SLCO5A1: variants seen among roughly 807,000 people sequenced by gnomAD.
The protein encoded by SLCO5A1 is solute carrier organic anion transporter family member 5A1, also known as organic anion transporter polypeptide-related protein 4.
Under a neutral mutation model 65.1 loss-of-function variants are expected in SLCO5A1, and 39 were observed. That is an observed-to-expected ratio of 0.60 (90% CI 0.46 to 0.78). The LOEUF (loss-of-function observed/expected upper bound fraction) is 0.78. Among genes scored for constraint, SLCO5A1 ranks in the 30% least tolerant of loss-of-function variants. SLCO5A1 has a pLI of 0.00. For synonymous variants in SLCO5A1, 438 were observed against 415.7 expected, an observed-to-expected ratio of 1.05 and a Z score of -0.65; for missense variants, 1,029 against 1,069.4, an observed-to-expected ratio of 0.96 and a Z score of 0.53.
At chr8:69,808,610 A>G (rs187835628) in intron 2 of SLCO5A1, among the ~76,000 whole-genome samples, 3 of 152,300 alleles carry the variant, frequency 2.0e-5, no homozygotes, top group Non-Finnish European at 2.9e-5. Flanking sequence ...GCTATTGTGA[A>G]TAGTGCTGCA....
intron 2 of SLCO5A1, among the ~76,000 whole-genome samples, chr8:69,804,261 A>G (rs140769545): frequency 5.8e-4 from 89 of 152,226 alleles, no homozygotes; most frequent in African/African-American, 2.0e-3. Context: ...TAAAATCTAT[A>G]CCTTAAAAAT....
In SLCO5A1 at chr8:69,763,614, C is replaced by CAAA. The variant is rs770191440; in HGVS notation, c.908-1742_908-1740dup. 6.1e-4 allele frequency among the ~76,000 whole-genome samples: 8 copies of CAAA among 13,168 alleles called. 2 individuals carry two copies. The highest frequency in any genetic ancestry group is 5.9e-3 in the East Asian group (2 of 340). 8.6% of individuals were successfully genotyped at this position (13,168 alleles called of 152,430 possible). Reference sequence around the variant, plus strand: ...CAGGCTAGGAAACAGAGCAAGACTCCAAAAAAAAAAAAAAAAAAAAAAAAA... The same window carrying CAAA: ...CAGGCTAGGAAACAGAGCAAGACTCCAAAAAAAAAAAAAAAAAAAAAAAAAAAA... On this transcript the variant is annotated intron_variant, in intron 2 of 9. Transcript: ENST00000260126.
At chr8:69,778,538 A>G (rs1036510223) in intron 2 of SLCO5A1, among the ~76,000 whole-genome samples, 3 of 151,902 alleles carry the variant, frequency 2.0e-5, no homozygotes, top group Non-Finnish European at 2.9e-5. Context: ...TGAAATTACA[A>G]TGTGGGATTT....
chr8:69,716,221 C>A (rs752282881), intron 5 of SLCO5A1, among the ~76,000 whole-genome samples: 2 of 152,110 alleles, frequency 1.3e-5, no homozygotes, highest in African/African-American at 4.8e-5. Flanking sequence ...AATATTTACC[C>A]ATGCATTGGT....
chr8:69,808,227 A>T (rs373735420), intron 2 of SLCO5A1, among the ~76,000 whole-genome samples: 10 of 151,840 alleles, frequency 6.6e-5, no homozygotes, highest in African/African-American at 1.9e-4. Context: ...TACACAGGTA[A>T]ACTTGTGTCA....
chr8:69,734,947 C>T (rs896687465), intron 5 of SLCO5A1, among the ~76,000 whole-genome samples: 14 of 151,928 alleles, frequency 9.2e-5, no homozygotes, highest in African/African-American at 3.4e-4. Flanking sequence ...ATTCAAAAAA[C>T]CAAGAGGAGT....
intron 5 of SLCO5A1, among the ~76,000 whole-genome samples, chr8:69,721,681 A>T (rs902049844): frequency 2.6e-5 from 4 of 152,202 alleles, no homozygotes; most frequent in Non-Finnish European, 5.9e-5. Context: ...ATGAAGAAAA[A>T]AATGTTTTTA....
At chr8:69,711,333 T>A (rs1219720478) in intron 5 of SLCO5A1, among the ~76,000 whole-genome samples, 1 of 151,830 alleles carries the variant, frequency 6.6e-6, no homozygotes, top group Non-Finnish European at 1.5e-5. Context: ...GCACCTCACC[T>A]CTCTGCGCCT....
chr8:69,703,693 G>C (rs947748859), intron 6 of SLCO5A1, among the ~76,000 whole-genome samples: 6 of 152,230 alleles, frequency 3.9e-5, no homozygotes, highest in African/African-American at 1.4e-4. Flanking sequence ...GTTCTGGACA[G>C]TGGTGCACTG....
At chr8:69,788,653 C>T (rs1165877930) in intron 2 of SLCO5A1, among the ~76,000 whole-genome samples, 2 of 152,078 alleles carry the variant, frequency 1.3e-5, no homozygotes, top group African/African-American at 4.8e-5. Flanking sequence ...TTCACTCTAA[C>T]AACCTTGGTA....
intron 5 of SLCO5A1, among the ~76,000 whole-genome samples, chr8:69,714,477 G>A (rs1174503072): frequency 6.6e-6 from 1 of 152,144 alleles, no homozygotes; most frequent in Non-Finnish European, 1.5e-5. Flanking sequence ...AAGCTGGGGG[G>A]ATAGCTCGCC....
chr8:69,832,346 C>T lies in SLCO5A1; in HGVS notation c.328G>A (p.Ala110Thr), dbSNP rs34148850. ...DLSKTFSVSSALAMLQERRCL... is the reference protein window; with the variant it reads ...DLSKTFSVSSTLAMLQERRCL... ...CTTCTCTCCTGGAGCATGGCCAAGG[C>T]GGAGGACACCGAGAAGGTTTTGCTG... Residue 110 changes from alanine (A) to threonine (T), a missense_variant, in exon 2 of 10, where the codon GCC (alanine) becomes ACC (threonine). Around this residue, in one of 3 missense-constraint regions of SLCO5A1, gnomAD observed 647 missense variants for 647.5 expected, o/e 1.00. Coordinates refer to ENST00000260126, the MANE Select transcript of SLCO5A1 (RefSeq NM_030958.3). This position sits in a 1 kb window ranked among gnomAD's most constrained non-coding sequence, Gnocchi z 4.5. The T allele has an allele frequency of 7.3e-3, 11,861 of 1,614,118 alleles. 48 individuals carry two copies. Among genetic ancestry groups the T allele is most frequent in the Non-Finnish European group, 8.6e-3 (10,092 of 1,179,988 alleles).
At chr8:69,690,232 C>T (rs375781423) in intron 6 of SLCO5A1, among the ~76,000 whole-genome samples, 5 of 152,296 alleles carry the variant, frequency 3.3e-5, no homozygotes, top group South Asian at 4.1e-4. Flanking sequence ...TCCATTCATG[C>T]GCGTCACTAA....
intron 5 of SLCO5A1, among the ~76,000 whole-genome samples, chr8:69,706,369 A>G (rs1814968146): frequency 6.6e-6 from 1 of 152,194 alleles, no homozygotes. Flanking sequence ...TCTGGTGCTG[A>G]AAAATACTTC....
In SLCO5A1 at chr8:69,741,240, C is replaced by G. The variant is rs543553281; in HGVS notation, c.1259-3036G>C. 2.0e-5 allele frequency among the ~76,000 whole-genome samples: 3 copies of G among 152,302 alleles called. No individual in the cohort carries two copies. In the East Asian group the frequency reaches 5.8e-4, roughly 29 times the overall value. On this transcript the variant is annotated intron_variant, in intron 4 of 9. Transcript: ENST00000260126. ...TATGATGTGCCTTACGGAGAAAATA[C>G]TCATGTTAGATAAGCTTCCTTCAGG...
chr8:69,750,007 C>T (rs1817219080), intron 4 of SLCO5A1, among the ~76,000 whole-genome samples: 1 of 152,108 alleles, frequency 6.6e-6, no homozygotes, highest in South Asian at 2.1e-4. Context: ...GTGTAAAAGT[C>T]CTGGGGTGAG....
rs772735964 is a variant in SLCO5A1, at chr8:69,672,967, C to A, written c.2449G>T (p.Ala817Ser). 3.1e-6 allele frequency: 5 copies of A among 1,614,068 alleles called. No individual in the cohort carries two copies. Among genetic ancestry groups the A allele is most frequent in the Non-Finnish European group, 4.2e-6 (5 of 1,180,052 alleles). The change falls in exon 10 of 10, where the codon GCA (alanine) becomes TCA (serine). Residue 817 changes from alanine to serine, a missense_variant. Around this residue, in one of 3 missense-constraint regions of SLCO5A1, gnomAD observed 258 missense variants for 237.4 expected, o/e 1.09. Transcript: ENST00000260126. ...AAGGGCCCCGGGTAGGTCTGTGCTG[C>A]GCACTGGATCCCTTTTTGCAGGCCA... Reference protein sequence around the residue: ...ETGLQKGIQCAAQTYPGPFPE... With the variant: ...ETGLQKGIQCSAQTYPGPFPE...
At chr8:69,770,027 T>C (rs1818246424) in intron 2 of SLCO5A1, among the ~76,000 whole-genome samples, 1 of 152,266 alleles carries the variant, frequency 6.6e-6, no homozygotes, top group South Asian at 2.1e-4. Flanking sequence ...TGTATTCATC[T>C]ACTGTATAAA....
At position 69,689,976 on chromosome 8, in the gene SLCO5A1, G is replaced by A. The variant is rs1339211698; in HGVS notation, c.1623-7633C>T. Reference sequence around the variant, plus strand: ...TTGATTCTTCCTACTCATGAGCATGGAATGTTCTTCCATTTGTTTGTATCC... The same window carrying A: ...TTGATTCTTCCTACTCATGAGCATGAAATGTTCTTCCATTTGTTTGTATCC... On this transcript the variant is annotated intron_variant, in intron 6 of 9. Coordinates refer to ENST00000260126, the MANE Select transcript of SLCO5A1 (RefSeq NM_030958.3). 2.6e-5 allele frequency among the ~76,000 whole-genome samples: 4 copies of A among 152,174 alleles called. No homozygotes were observed. In the East Asian group the frequency reaches 5.8e-4, roughly 22 times the overall value.
Sources: gnomAD v4.1 joint callset for allele counts (sites outside exome capture counted in the v4.1 genomes callset) on GRCh38, gnomAD v4.1.1 for gene constraint, gnomAD v4.1.1 regional missense constraint, Gnocchi (gnomAD v3.1) non-coding constraint, MANE v1.5 for transcripts, NCBI Gene and HGNC (gene_info 2026-07-23, HGNC 2026-07-21) for gene names.